NAV1: variants seen among roughly 807,000 people sequenced by gnomAD.
The protein encoded by NAV1 is neuron navigator 1, also known as pore membrane and/or filament interacting like protein 3.
NAV1 carries 18 observed loss-of-function variants against 175.2 expected under a neutral mutation model. That is an observed-to-expected ratio of 0.10 (90% CI 0.07 to 0.15). The LOEUF (loss-of-function observed/expected upper bound fraction) is 0.15, where lower values mean the gene tolerates loss of function less well. Ranked by LOEUF, NAV1 falls within the 10% of genes least tolerant of loss-of-function variation. The probability of loss-of-function intolerance (pLI) is 1.00; values close to 1 mark genes in which losing one functional copy is unlikely to be tolerated. For missense variants in NAV1, 1,731 were observed against 2,436.6 expected (o/e 0.71, Z 6.10); for synonymous variants, 897 against 978.7 (o/e 0.92, Z 1.56).
At chr1:201,731,870 C>A (rs570617983) in intron 3 of NAV1, among the ~76,000 whole-genome samples, 31 of 152,308 alleles carry the variant, frequency 2.0e-4, no homozygotes, top group African/African-American at 7.0e-4. Context: ...GCTGTCACTG[C>A]CCCTTTCCAA....
rs1673382238 is a variant in NAV1, at chr1:201,740,949, C to G, written c.1226+22194C>G. Among the ~76,000 whole-genome samples the G allele has an allele frequency of 6.6e-6, 1 of 152,066 alleles. No individual in the cohort carries two copies. The highest frequency in any genetic ancestry group is 1.5e-5 in the Non-Finnish European group (1 of 68,000). ...TGGGCAGGGGAGGCTTCCCATCTCACTATTCTCACCCCATATACACTCTCC... is the reference window on the plus strand; with the variant it reads ...TGGGCAGGGGAGGCTTCCCATCTCAGTATTCTCACCCCATATACACTCTCC... On this transcript the variant is annotated intron_variant, in intron 3 of 29. Coordinates refer to ENST00000367296, the Ensembl canonical transcript of NAV1. The surrounding 1 kb of genome is among the most constrained non-coding windows in gnomAD (Gnocchi z 4.7).
chr1:201,738,944 C>G (rs1673233201), intron 3 of NAV1, among the ~76,000 whole-genome samples: 1 of 152,198 alleles, frequency 6.6e-6, no homozygotes, highest in African/African-American at 2.4e-5. Flanking sequence ...CACTTAGCCC[C>G]TTCCAGGAGC....
In NAV1 at chr1:201,810,081, A is replaced by G; in HGVS notation, c.4537A>G (p.Asn1513Asp). Residue 1513 changes from asparagine to aspartate, a missense_variant, in exon 23 of 30, where the codon AAT becomes GAT. By Grantham distance (23) the Asn-to-Asp change is conservative. Coordinates refer to ENST00000367296, the Ensembl canonical transcript of NAV1. This position sits in a 1 kb window ranked among gnomAD's most constrained non-coding sequence, Gnocchi z 6.0. ...GATGCCTCCTTGCCGTCGAGGTGTC[A>G]ATAACATATCAGTCTCCCTCAAAGG... 6.2e-7 allele frequency: 1 copy of G among 1,613,758 alleles called. No homozygotes were observed. The highest frequency in any genetic ancestry group is 8.5e-7 in the Non-Finnish European group (1 of 1,179,940).
chr1:201,728,425 C>T (rs976862381), intron 3 of NAV1, among the ~76,000 whole-genome samples: 2 of 151,912 alleles, frequency 1.3e-5, no homozygotes, highest in African/African-American at 4.8e-5. Context: ...AACCCCGCCT[C>T]TACTAAAAAT....
At position 201,805,599 on chromosome 1, in the gene NAV1, AT is replaced by A. The variant is rs1369544913; in HGVS notation, c.3648+1104del. On this transcript the variant is annotated intron_variant, in intron 17 of 29. Transcript: ENST00000367296. The stretch of plus-strand genomic sequence containing the variant: ...ACATTTCCCAAAGTGTGTTCCACTG[AT>A]TGCCAGCCCATTGAGATGCTCCTTA... Among the ~76,000 whole-genome samples the A allele has an allele frequency of 3.9e-5, 6 of 152,260 alleles. No homozygotes were observed. In the South Asian group the frequency reaches 1.2e-3, roughly 32 times the overall value.
chr1:201,638,609 G>A (rs375008826), intron 2 of NAV1, among the ~76,000 whole-genome samples: 1 of 152,194 alleles, frequency 6.6e-6, no homozygotes, highest in African/African-American at 2.4e-5. Context: ...ATTATATTAA[G>A]CAAGTCTCTA....
intron 1 of NAV1, among the ~76,000 whole-genome samples, chr1:201,701,106 T>G (rs1401396683): frequency 6.6e-6 from 1 of 151,512 alleles, no homozygotes; most frequent in Non-Finnish European, 1.5e-5. Context: ...GTTCATGTCC[T>G]TTGCAGGGTC....
At chr1:201,687,419 C>T (rs539895085) in intron 1 of NAV1, among the ~76,000 whole-genome samples, 31 of 152,236 alleles carry the variant, frequency 2.0e-4, no homozygotes, top group Non-Finnish European at 4.0e-4. Context: ...CCCCTAGGTT[C>T]GTAACCAAAA....
intron 2 of NAV1, among the ~76,000 whole-genome samples, chr1:201,596,315 G>A (rs1019457993): frequency 2.0e-5 from 3 of 152,212 alleles, no homozygotes; most frequent in Admixed American, 2.0e-4. Context: ...TCTCTCATTA[G>A]TCCAAGGGCT....
chr1:201,703,708 G>A (rs778774516), intron 1 of NAV1, among the ~76,000 whole-genome samples: 53 of 152,226 alleles, frequency 3.5e-4, no homozygotes, highest in Non-Finnish European at 5.4e-4. Context: ...TTTTGCACAC[G>A]GCTGAGCAGG....
At chr1:201,826,955 A>G (rs1374951862) in exon 30 of NAV1, 1 of 152,164 alleles carries the variant, frequency 6.6e-6, no homozygotes. Context: ...CAATAAAGTT[A>G]TCTCCTGTAC....
chr1:201,580,458 A>G (rs536672105), intron 1 of NAV1, among the ~76,000 whole-genome samples: 18 of 152,364 alleles, frequency 1.2e-4, no homozygotes, highest in Non-Finnish European at 2.2e-4. Flanking sequence ...AAATAGATCA[A>G]TACCATCCAA....
upstream of NAV1, among the ~76,000 whole-genome samples, chr1:201,618,682 A>G (rs918266991): frequency 6.6e-6 from 1 of 152,094 alleles, no homozygotes; most frequent in Admixed American, 6.5e-5. Context: ...CCACTCTGCC[A>G]CTTTTTAGCT....
intron 1 of NAV1, among the ~76,000 whole-genome samples, chr1:201,679,506 T>C (rs951053730): frequency 1.3e-5 from 2 of 152,224 alleles, no homozygotes; most frequent in Non-Finnish European, 2.9e-5. Flanking sequence ...AAACCAGTTA[T>C]TGAAATGTAT....
At chr1:201,590,737 G>A (rs1296995413) in intron 2 of NAV1, among the ~76,000 whole-genome samples, 1 of 152,214 alleles carries the variant, frequency 6.6e-6, no homozygotes, top group Admixed American at 6.5e-5. Context: ...AGCCGAGTCG[G>A]CCAGGCCTCT....
At chr1:201,700,944 G>C (rs1671392958) in intron 1 of NAV1, among the ~76,000 whole-genome samples, 1 of 131,944 alleles carries the variant, frequency 7.6e-6, no homozygotes, top group Non-Finnish European at 1.5e-5. Context: ...CCGGGAGGCA[G>C]AGCTTGTAGT....
intron 1 of NAV1, among the ~76,000 whole-genome samples, chr1:201,707,611 T>A (rs901244448): frequency 9.9e-5 from 15 of 152,174 alleles, no homozygotes; most frequent in African/African-American, 3.4e-4. Flanking sequence ...TGATGAGCAA[T>A]TTCGTAGTCC....
chr1:201,780,647 C>A, intron 4 of NAV1, 88 bp downstream of exon 8: 1 of 1,533,648 alleles, frequency 6.5e-7, no homozygotes, highest in Non-Finnish European at 9.0e-7. Context: ...TGCACGTACA[C>A]ACCCACTCCA....
At chr1:201,739,134 G>T (rs1673245626) in intron 3 of NAV1, among the ~76,000 whole-genome samples, 1 of 152,150 alleles carries the variant, frequency 6.6e-6, no homozygotes, top group Non-Finnish European at 1.5e-5. Flanking sequence ...AGTTGAAAAT[G>T]CATCCTGGAT....
Sources: allele counts gnomAD v4.1 joint callset (sites outside exome capture counted in the v4.1 genomes callset), GRCh38; gene constraint gnomAD v4.1.1; non-coding constraint Gnocchi (gnomAD v3.1); transcripts MANE v1.5; gene names NCBI Gene and HGNC (gene_info 2026-07-23, HGNC 2026-07-21).